DNAH7: variants seen among roughly 807,000 people sequenced by gnomAD.
DNAH7 encodes axonemal beta dynein heavy chain 7.
In DNAH7, 397 loss-of-function variants were observed where a neutral mutation model predicts 444.6. The ratio of observed to expected loss-of-function variants is 0.89; its 90% CI spans 0.82 to 0.97. The LOEUF is 0.97. Among genes scored for constraint, DNAH7 ranks in the 50% least tolerant of loss-of-function variants. The pLI is 0.00. For synonymous variants in DNAH7, 1,636 were observed against 1,624.4 expected (o/e 1.01, Z -0.17); for missense variants, 4,902 against 4,800.8 (o/e 1.02, Z -0.62).
intron 61 of DNAH7, among the ~76,000 whole-genome samples, chr2:195,766,140 A>G (rs1165446355): frequency 1.5e-5 from 2 of 137,850 alleles, no homozygotes; most frequent in Non-Finnish European, 3.2e-5. Context: ...CAAACTTTGC[A>G]TGTTCTCGTT....
At chr2:195,899,726 C>T (rs1424983053) in intron 28 of DNAH7, among the ~76,000 whole-genome samples, 1 of 152,118 alleles carries the variant, frequency 6.6e-6, no homozygotes. Flanking sequence ...TATCTGATTT[C>T]ATAAAGAACT....
chr2:195,779,631 C>A (rs1037072162), intron 58 of DNAH7, among the ~76,000 whole-genome samples: 2 of 151,488 alleles, frequency 1.3e-5, no homozygotes, highest in African/African-American at 2.4e-5. Context: ...TTTTTTGAGT[C>A]AGAGTCTTGC....
intron 40 of DNAH7, among the ~76,000 whole-genome samples, chr2:195,867,932 G>A (rs1700443547): frequency 6.6e-6 from 1 of 151,922 alleles, no homozygotes; most frequent in Admixed American, 6.5e-5. Flanking sequence ...AGTTCTTCTG[G>A]GTCCACAGTT....
chr2:196,048,650 C>G (rs908887280), intron 3 of DNAH7, among the ~76,000 whole-genome samples: 2 of 152,184 alleles, frequency 1.3e-5, no homozygotes, highest in Non-Finnish European at 2.9e-5. Flanking sequence ...CCAGGGTCTT[C>G]ATTCTAGAGA....
intron 44 of DNAH7, 95 bp downstream of exon 44, chr2:195,857,282 C>T (rs1699766391): frequency 9.3e-7 from 1 of 1,080,336 alleles, no homozygotes; most frequent in Non-Finnish European, 1.3e-6. Context: ...TTCCAAGGAG[C>T]CTCTCACTTA....
intron 49 of DNAH7, among the ~76,000 whole-genome samples, chr2:195,822,488 T>C (rs950305753): frequency 6.6e-6 from 1 of 152,220 alleles, no homozygotes; most frequent in Non-Finnish European, 1.5e-5. Flanking sequence ...CCTTGGGTGC[T>C]TTTGAAAGCA....
intron 37 of DNAH7, 76 bp from the exon 38 acceptor site, chr2:195,875,919 G>C: frequency 4.4e-6 from 6 of 1,356,512 alleles, no homozygotes; most frequent in Non-Finnish European, 5.9e-6. Context: ...ACAATATTGA[G>C]GCAAATACTT....
intron 27 of DNAH7, chr2:195,905,450 A>G (rs1251389270): frequency 6.6e-6 from 1 of 152,208 alleles, no homozygotes; most frequent in Non-Finnish European, 1.5e-5. Context: ...TGGAAATACA[A>G]AAACACTTGG....
At chr2:195,977,493 T>C (rs186868025) in intron 15 of DNAH7, among the ~76,000 whole-genome samples, 10 of 152,212 alleles carry the variant, frequency 6.6e-5, no homozygotes, top group East Asian at 1.9e-4. Context: ...AGTACACCTA[T>C]AGGATCTGGA....
intron 24 of DNAH7, among the ~76,000 whole-genome samples, chr2:195,920,823 G>A (rs1424618054): frequency 6.6e-6 from 1 of 152,116 alleles, no homozygotes; most frequent in Non-Finnish European, 1.5e-5. Context: ...CTATGCATCT[G>A]ACAAAGAACT....
intron 64 of DNAH7, 90 bp from the exon 65 acceptor site, chr2:195,738,217 G>A (rs1692769234): frequency 8.6e-7 from 1 of 1,159,270 alleles, no homozygotes; most frequent in Non-Finnish European, 1.2e-6. Context: ...TCAGAGTAAG[G>A]TTATGCATGC....
chr2:195,833,888 G>T lies in DNAH7; in HGVS notation c.9100+318C>A, dbSNP rs1032354754. On this transcript the variant is annotated intron_variant, in intron 48 of 64. Transcript: ENST00000312428. ...TCCTGCCTCAGCCTCCTGAGTAGCT[G>T]GGATTACAGGCACCCGCCAGCACAC... Among the ~76,000 whole-genome samples the T allele has an allele frequency of 2.0e-5, 3 of 152,154 alleles. No individual in the cohort carries two copies. The South Asian group carries it at 6.2e-4, about 32-fold the overall frequency.
At chr2:195,956,657 A>C (rs1253335695) in intron 19 of DNAH7, among the ~76,000 whole-genome samples, 1 of 152,196 alleles carries the variant, frequency 6.6e-6, no homozygotes, top group East Asian at 1.9e-4. Flanking sequence ...TCTCAAAAAA[A>C]AAAAAAAGTC....
At chr2:195,967,871 T>C (rs1691586191) in intron 17 of DNAH7, among the ~76,000 whole-genome samples, 1 of 152,256 alleles carries the variant, frequency 6.6e-6, no homozygotes, top group African/African-American at 2.4e-5. Flanking sequence ...ACTTGAATAT[T>C]GGCATCTTTC....
chr2:195,763,663 C>T (rs749478911), intron 61 of DNAH7, among the ~76,000 whole-genome samples: 96 of 151,954 alleles, frequency 6.3e-4, no homozygotes, highest in Non-Finnish European at 8.7e-4. Context: ...TACAACCTAC[C>T]GGGATTGGAC....
chr2:195,927,337 T>G (rs1050830655), intron 21 of DNAH7, among the ~76,000 whole-genome samples: 1 of 152,088 alleles, frequency 6.6e-6, no homozygotes, highest in African/African-American at 2.4e-5. Flanking sequence ...CTGAAAAATA[T>G]CTCAGGATGG....
intron 57 of DNAH7, among the ~76,000 whole-genome samples, chr2:195,787,552 G>A (rs779296958): frequency 1.2e-4 from 19 of 152,268 alleles, no homozygotes; most frequent in Non-Finnish European, 2.1e-4. Context: ...AATTCGAACC[G>A]ATTAGAGGTC....
intron 16 of DNAH7, 132 bp downstream of exon 16, chr2:195,972,110 G>T: frequency 1.4e-6 from 1 of 699,724 alleles, no homozygotes. Context: ...AATATTTATA[G>T]TGAGATTATA....
chr2:196,016,312 AAT>A (rs1248873910), intron 9 of DNAH7, among the ~76,000 whole-genome samples: 1 of 152,204 alleles, frequency 6.6e-6, no homozygotes, highest in East Asian at 1.9e-4. Flanking sequence ...TTGTGAAAGT[AAT>A]ATACTATATT....
Sources: gnomAD v4.1 joint callset for allele counts (sites outside exome capture counted in the v4.1 genomes callset) on GRCh38, gnomAD v4.1.1 for gene constraint, MANE v1.5 for transcripts, NCBI Gene and HGNC (gene_info 2026-07-23, HGNC 2026-07-21) for gene names.